Variants in TMEM131 observed in about 807,000 individuals in gnomAD.
TMEM131 encodes transmembrane protein 131, also known as 2610524E03Rik.
A neutral mutation model predicts 211.6 loss-of-function variants in TMEM131; 66 were observed. The ratio of observed to expected loss-of-function variants is 0.31; its 90% CI spans 0.26 to 0.38. The LOEUF (loss-of-function observed/expected upper bound fraction) is 0.38, where lower values mean the gene tolerates loss of function less well. Among genes scored for constraint, TMEM131 ranks in the 10% least tolerant of loss-of-function variants. The pLI is 1.00. For missense variants in TMEM131, 2,036 were observed against 2,299.3 expected, an observed-to-expected ratio of 0.89 and a Z score of 2.34; for synonymous variants, 844 against 841.3, an observed-to-expected ratio of 1.00 and a Z score of -0.06.
chr2:97,760,929 A>G lies in TMEM131; in HGVS notation c.4890-15T>C. The stretch of plus-strand genomic sequence containing the variant: ...TTTTAGGGTCACTTGAAAAAGAAGC[A>G]AAGAGAGAACTCATTCCTCATCAGC... On this transcript the variant is annotated splice_polypyrimidine_tract_variant and intron_variant, in intron 36 of 40. Coordinates refer to ENST00000186436, the MANE Select transcript of TMEM131 (RefSeq NM_015348.2). The G allele has an allele frequency of 1.9e-6, 3 of 1,613,774 alleles. 1 individual carries two copies. Among genetic ancestry groups the G allele is most frequent in the South Asian group, 2.2e-5 (2 of 91,060 alleles).
At chr2:97,827,953 A>C (rs1440807002) in intron 11 of TMEM131, among the ~76,000 whole-genome samples, 4 of 152,200 alleles carry the variant, frequency 2.6e-5, no homozygotes, top group Admixed American at 6.5e-5. Context: ...GTTGTTTTTT[A>C]GTAGAATTGT....
At chr2:97,916,675 C>T (rs749378973) in intron 2 of TMEM131, among the ~76,000 whole-genome samples, 2 of 152,184 alleles carry the variant, frequency 1.3e-5, no homozygotes, top group Non-Finnish European at 2.9e-5. Context: ...CCTTGTAGTA[C>T]ATTTAGGCAG....
rs201667953 is a variant in TMEM131, at chr2:97,859,284, T to C, written c.483+20A>G. On this transcript the variant is annotated intron_variant, in intron 5 of 40. Coordinates refer to ENST00000186436, the MANE Select transcript of TMEM131 (RefSeq NM_015348.2). The stretch of plus-strand genomic sequence containing the variant: ...TCAACTTCAAACTCAGGAAAGATCA[T>C]GTATAGCAGAGAAACTTACCCTATT... The C allele has an allele frequency of 1.2e-4, 184 of 1,581,612 alleles. No homozygotes were observed. In the East Asian group the frequency reaches 4.1e-3, roughly 36 times the overall value.
intron 15 of TMEM131, among the ~76,000 whole-genome samples, chr2:97,813,040 T>C (rs979407333): frequency 1.4e-4 from 21 of 152,138 alleles, no homozygotes; most frequent in African/African-American, 5.1e-4. Context: ...TTTGTATATA[T>C]GCATAAAACC....
chr2:97,807,823 G>T (rs6728312), intron 19 of TMEM131, among the ~76,000 whole-genome samples: 41,162 of 122,820 alleles, frequency 0.34, 6,097 homozygotes, highest in African/African-American at 0.44. Flanking sequence ...GGCTCTTTTG[G>T]ATAAATAACG....
intron 2 of TMEM131, among the ~76,000 whole-genome samples, chr2:97,921,547 A>G (rs1343303496): frequency 2.0e-5 from 3 of 152,270 alleles, no homozygotes; most frequent in Non-Finnish European, 1.5e-5. Flanking sequence ...TCACCATTAC[A>G]TAAGCCAAAA....
At chr2:97,767,299 G>GTTTC (rs1443342958) in intron 33 of TMEM131, among the ~76,000 whole-genome samples, 1 of 152,186 alleles carries the variant, frequency 6.6e-6, no homozygotes, top group Non-Finnish European at 1.5e-5. Flanking sequence ...AGTTTCCAAA[G>GTTTC]CTCAATAAGT....
chr2:97,979,861 T>C (rs1003420952), intron 1 of TMEM131, among the ~76,000 whole-genome samples: 3 of 152,220 alleles, frequency 2.0e-5, no homozygotes, highest in Non-Finnish European at 4.4e-5. Context: ...GGCCTAGCTT[T>C]TGGCCTTTCT....
At chr2:97,978,157 T>C (rs1160206236) in intron 1 of TMEM131, among the ~76,000 whole-genome samples, 1 of 152,176 alleles carries the variant, frequency 6.6e-6, no homozygotes, top group East Asian at 1.9e-4. Flanking sequence ...TCATGAAAGA[T>C]TTCTCTGTAG....
At chr2:97,836,989 A>T in intron 8 of TMEM131, 88 bp downstream of exon 8, 1 of 986,612 alleles carries the variant, frequency 1.0e-6, no homozygotes, top group Non-Finnish European at 1.6e-6. Context: ...CATATTTGTT[A>T]AGCCTATTAA....
intron 4 of TMEM131, among the ~76,000 whole-genome samples, chr2:97,876,496 T>C (rs2104161973): frequency 6.6e-6 from 1 of 152,312 alleles, no homozygotes; most frequent in South Asian, 2.1e-4. Flanking sequence ...AAAAAGCTTA[T>C]CCACCACGAT....
intron 28 of TMEM131, 83 bp downstream of exon 28, chr2:97,796,135 C>A (rs1680749535): frequency 7.8e-6 from 6 of 774,166 alleles, no homozygotes; most frequent in African/African-American, 1.9e-5. Context: ...TGGATAAAGA[C>A]CTTTGGTAAA....
At chr2:97,906,115 T>G (rs1218965735) in intron 3 of TMEM131, among the ~76,000 whole-genome samples, 1 of 152,202 alleles carries the variant, frequency 6.6e-6, no homozygotes, top group African/African-American at 2.4e-5. Context: ...TAGTGGTCCA[T>G]ATGGTTATCA....
chr2:97,879,170 A>G (rs1176566358), intron 4 of TMEM131, among the ~76,000 whole-genome samples: 1 of 152,242 alleles, frequency 6.6e-6, no homozygotes, highest in Non-Finnish European at 1.5e-5. Flanking sequence ...AGTGGAGTGA[A>G]GACACAGAAT....
chr2:97,968,157 T>C (rs571787633), intron 1 of TMEM131, among the ~76,000 whole-genome samples: 62 of 152,220 alleles, frequency 4.1e-4, no homozygotes, highest in African/African-American at 1.3e-3. Context: ...ATTGTGTCAT[T>C]ATCTTTCTAC....
intron 12 of TMEM131, among the ~76,000 whole-genome samples, chr2:97,817,636 G>A (rs1681893024): frequency 6.6e-6 from 1 of 152,116 alleles, no homozygotes; most frequent in South Asian, 2.1e-4. Flanking sequence ...TTTATTCCTT[G>A]AGAGTCCTCA....
chr2:97,936,579 T>C (rs1677455558), intron 1 of TMEM131, among the ~76,000 whole-genome samples: 1 of 152,352 alleles, frequency 6.6e-6, no homozygotes, highest in East Asian at 1.9e-4. Flanking sequence ...TAGATGACTA[T>C]GAAGCTCACC....
At chr2:97,774,490 T>A (rs1308741748) in intron 32 of TMEM131, among the ~76,000 whole-genome samples, 1 of 152,080 alleles carries the variant, frequency 6.6e-6, no homozygotes, top group East Asian at 1.9e-4. Flanking sequence ...GAGGAATAAC[T>A]CGTTGGAGGG....
intron 2 of TMEM131, among the ~76,000 whole-genome samples, chr2:97,923,366 T>C (rs1278350526): frequency 2.6e-5 from 4 of 152,184 alleles, no homozygotes; most frequent in Admixed American, 6.5e-5. Flanking sequence ...CTCAGGTCTA[T>C]AATCCTAGCA....
Sources: allele counts gnomAD v4.1 joint callset (sites outside exome capture counted in the v4.1 genomes callset), GRCh38; gene constraint gnomAD v4.1.1; transcripts MANE v1.5; gene names NCBI Gene and HGNC (gene_info 2026-07-23, HGNC 2026-07-21).